The following SH3KBP1 variants were observed in gnomAD, a reference collection of about 807,000 sequenced individuals.
SH3KBP1 encodes SH3 domain-containing kinase-binding protein 1.
Under a neutral mutation model 50.1 loss-of-function variants are expected in SH3KBP1, and 8 were observed. That is an observed-to-expected ratio of 0.16 (90% confidence interval 0.09 to 0.29). The LOEUF is 0.29. Ranked by LOEUF, SH3KBP1 falls within the 10% of genes least tolerant of loss-of-function variation. The pLI, the probability that SH3KBP1 is intolerant of heterozygous loss-of-function variation, is 1.00. For missense variants in SH3KBP1, 377 were observed against 535.2 expected (o/e 0.70, Z 2.92); for synonymous variants, 227 against 218.6 (o/e 1.04, Z -0.34).
intron 3 of SH3KBP1, among the ~76,000 whole-genome samples, chrX:19,737,538 T>A (rs1402797470): frequency 8.9e-6 from 1 of 111,824 alleles, no homozygotes; most frequent in African/African-American, 3.3e-5. Flanking sequence ...GTTCAGTGTT[T>A]TAATGGCATC....
rs749549045 is a variant in SH3KBP1 at position 19,773,658 on chromosome X, C to T, written c.163-27217G>A. Among the ~76,000 whole-genome samples, 95 of 108,487 alleles carry T rather than the reference C, an allele frequency of 8.8e-4. 1 individual carries two copies. The highest frequency in any genetic ancestry group is 1.4e-3 in the Non-Finnish European group (71 of 52,254). The allele number at this position is 108,487 out of a possible 115,157, so 94.2% of individuals were successfully genotyped here. A position where few individuals can be genotyped will look rare whatever the true frequency, so the allele number is the denominator to read the frequency against. On this transcript the variant is annotated intron_variant, in intron 2 of 17. Transcript: ENST00000397821. ...GATCACAAGGTCAGGAGACTGAGAT[C>T]ATCCTGGCTAACACAGTGAAACCCC...
intron 9 of SH3KBP1, among the ~76,000 whole-genome samples, chrX:19,605,277 A>G (rs778890161): frequency 1.8e-5 from 2 of 111,577 alleles, no homozygotes; most frequent in Non-Finnish European, 3.8e-5. Context: ...CACCACACAA[A>G]TAACGACGTG....
At chrX:19,779,527 C>G (rs1287107198) in intron 2 of SH3KBP1, among the ~76,000 whole-genome samples, 2 of 100,702 alleles carry the variant, frequency 2.0e-5, no homozygotes, top group Non-Finnish European at 4.0e-5. Context: ...GCTGCACCCA[C>G]TAACTCGTCA....
At chrX:19,878,505 T>TGTGTGTGTGTGTGTGAGAGAGA (rs1491094714) in intron 1 of SH3KBP1, among the ~76,000 whole-genome samples, 26 of 48,251 alleles carry the variant, frequency 5.4e-4, no homozygotes, top group African/African-American at 1.5e-3. Flanking sequence ...TGTGTGTGTG[T>TGTGTGTGTGTGTGTGAGAGAGA]GAGAGAGAGA....
chrX:19,743,532 G>A (rs1383450007), intron 3 of SH3KBP1, among the ~76,000 whole-genome samples: 1 of 112,132 alleles, frequency 8.9e-6, no homozygotes, highest in African/African-American at 3.2e-5. Flanking sequence ...CGTTAAAGCT[G>A]AAAAGTGAAA....
intron 1 of SH3KBP1, among the ~76,000 whole-genome samples, chrX:19,879,982 C>T (rs2069383445): frequency 8.9e-6 from 1 of 112,206 alleles, no homozygotes; most frequent in Non-Finnish European, 1.9e-5. Context: ...AGCAGCACCC[C>T]TGACCTCCAC....
chrX:19,750,715 TA>T (rs1391143455), intron 2 of SH3KBP1, among the ~76,000 whole-genome samples: 1 of 111,540 alleles, frequency 9.0e-6, no homozygotes, highest in Admixed American at 9.5e-5. Flanking sequence ...CCACAGGCTC[TA>T]AAAATAGGTG....
At chrX:19,672,888 C>T (rs1178739100) in intron 6 of SH3KBP1, among the ~76,000 whole-genome samples, 2 of 105,005 alleles carry the variant, frequency 1.9e-5, no homozygotes, top group East Asian at 3.0e-4. Context: ...GAAACCTCGT[C>T]TCTACTAAAA....
chrX:19,707,448 A>G (rs2063674547), intron 3 of SH3KBP1, among the ~76,000 whole-genome samples: 1 of 111,840 alleles, frequency 8.9e-6, no homozygotes. Context: ...TTTTCTTACT[A>G]ATCGTCACCC....
chrX:19,809,719 ATAAT>A (rs1159863666), intron 2 of SH3KBP1, among the ~76,000 whole-genome samples: 1 of 112,336 alleles, frequency 8.9e-6, no homozygotes, highest in African/African-American at 3.2e-5. Flanking sequence ...ATGGAAAACG[ATAAT>A]TAATAATGCA....
chrX:19,534,060 C>A lies in SH3KBP1; in HGVS notation c.*2357G>T, dbSNP rs1320595631. 1 of 110,037 alleles carries A rather than the reference C, an allele frequency of 9.1e-6. No individual in the cohort carries two copies. Among genetic ancestry groups the A allele is most frequent in the Non-Finnish European group, 1.9e-5 (1 of 52,762 alleles). 9.1% of individuals were successfully genotyped at this position (110,037 alleles called of 1,213,427 possible). On this transcript the variant is annotated 3_prime_UTR_variant, in exon 18 of 18. Coordinates refer to ENST00000397821, the MANE Select transcript of SH3KBP1 (RefSeq NM_031892.3). ...CTAAATACAACTTTATAAAATGAAG[C>A]AAAAAAATAATCTCCATAGATGCCT...
chrX:19,852,636 G>GAAAAAAAAAAAAAAA (rs760707711), intron 1 of SH3KBP1, among the ~76,000 whole-genome samples: 39 of 51,937 alleles, frequency 7.5e-4, no homozygotes, highest in African/African-American at 2.5e-3. Context: ...TAGCTGCACA[G>GAAAAAAAAAAAAAAA]AAAAAAAAAA....
chrX:19,626,383 T>TATGAATGAATGAATGA (rs72140292), intron 8 of SH3KBP1, among the ~76,000 whole-genome samples: 10 of 108,328 alleles, frequency 9.2e-5, no homozygotes, highest in African/African-American at 3.1e-4. Flanking sequence ...TTCTTCGATG[T>TATGAATGAATGAATGA]ATGAATGAAT....
intron 13 of SH3KBP1, among the ~76,000 whole-genome samples, chrX:19,559,265 C>T (rs2065591174): frequency 2.0e-5 from 1 of 49,577 alleles, no homozygotes; most frequent in African/African-American, 1.0e-4. Flanking sequence ...GAGTGAGACT[C>T]TGTCTCACCA....
chrX:19,618,977 CA>C (rs11345869), intron 8 of SH3KBP1, among the ~76,000 whole-genome samples: 24,806 of 84,013 alleles, frequency 0.3, 4,130 homozygotes, highest in African/African-American at 0.59. Flanking sequence ...AAAAAACGAA[CA>C]AAAAAAAAAA....
intron 2 of SH3KBP1, among the ~76,000 whole-genome samples, chrX:19,806,786 C>T (rs1438407322): frequency 8.9e-6 from 1 of 112,151 alleles, no homozygotes; most frequent in Non-Finnish European, 1.9e-5. Context: ...TTACTAAATC[C>T]ATTTCCTTAG....
intron 5 of SH3KBP1, among the ~76,000 whole-genome samples, chrX:19,690,488 G>T (rs1303012457): frequency 8.9e-6 from 1 of 112,095 alleles, no homozygotes; most frequent in Non-Finnish European, 1.9e-5. Flanking sequence ...GTTACAGAAA[G>T]AAAATGCAAA....
At chrX:19,618,750 C>T (rs762961655) in intron 8 of SH3KBP1, among the ~76,000 whole-genome samples, 3 of 109,822 alleles carry the variant, frequency 2.7e-5, no homozygotes, top group South Asian at 3.9e-4. Context: ...CTGAGGTGAG[C>T]GGATCACTTG....
intron 2 of SH3KBP1, among the ~76,000 whole-genome samples, chrX:19,780,145 G>C (rs1343537045): frequency 9.2e-6 from 1 of 108,819 alleles, no homozygotes; most frequent in Admixed American, 9.8e-5. Flanking sequence ...TAACTGGTGT[G>C]AGATGGTATC....
Sources: allele counts gnomAD v4.1 joint callset (sites outside exome capture counted in the v4.1 genomes callset), GRCh38; gene constraint gnomAD v4.1.1; transcripts MANE v1.5; gene names NCBI Gene and HGNC (gene_info 2026-07-23, HGNC 2026-07-21).